The following FBXL4 variants were observed in gnomAD, a reference collection of about 807,000 sequenced individuals.
The protein encoded by FBXL4 is F-box and leucine rich repeat protein 4.
Under a neutral mutation model 58.9 loss-of-function variants are expected in FBXL4, and 40 were observed. That is an observed-to-expected ratio of 0.68 (90% CI 0.53 to 0.88). The LOEUF is 0.88. Ranked by LOEUF, FBXL4 falls within the 40% of genes least tolerant of loss-of-function variation. The pLI, the probability that FBXL4 is intolerant of heterozygous loss-of-function variation, is 0.00. For synonymous variants in FBXL4, 263 were observed against 265.5 expected, an observed-to-expected ratio of 0.99 and a Z score of 0.09; for missense variants, 676 against 734.4, an observed-to-expected ratio of 0.92 and a Z score of 0.92.
chr6:98,913,045 G>A (rs987504991), intron 5 of FBXL4, among the ~76,000 whole-genome samples: 18 of 152,090 alleles, frequency 1.2e-4, no homozygotes, highest in African/African-American at 4.3e-4. Context: ...TGATAAAACA[G>A]ACTTTAAACC....
At chr6:98,912,146 G>A (rs980228946) in intron 5 of FBXL4, among the ~76,000 whole-genome samples, 5 of 152,044 alleles carry the variant, frequency 3.3e-5, no homozygotes, top group Non-Finnish European at 5.9e-5. Flanking sequence ...AAAAGAAACG[G>A]ACAAAGCCTC....
rs532388048 is a variant in FBXL4 at position 98,873,990 on chromosome 6, A to T, written c.*288T>A. 1.9e-5 allele frequency: 4 copies of T among 215,412 alleles called. No individual in the cohort carries two copies. The South Asian group carries it at 6.5e-4, about 35-fold the overall frequency. The allele number at this position is 215,412 out of a possible 1,614,324, so 13.3% of individuals were successfully genotyped here. A position where few individuals can be genotyped will look rare whatever the true frequency, so the allele number is the denominator to read the frequency against. ...GTTCCTTTGAAAATAAGTTAGCATG[A>T]TTCCATGTTATTCTTTTATCAATCA... On this transcript the variant is annotated 3_prime_UTR_variant, in exon 10 of 10. Transcript: ENST00000369244.
chr6:98,898,645 C>T, intron 7 of FBXL4: 1 of 984,794 alleles, frequency 1.0e-6, no homozygotes. Flanking sequence ...AATGTTAGTG[C>T]TAGGTAGTTT....
intron 2 of FBXL4, among the ~76,000 whole-genome samples, chr6:98,932,148 AG>A (rs1277020655): frequency 1.3e-5 from 2 of 152,316 alleles, no homozygotes; most frequent in East Asian, 3.9e-4. Flanking sequence ...TCATTCAAAA[AG>A]CTACTTTAAG....
intron 8 of FBXL4, among the ~76,000 whole-genome samples, chr6:98,878,716 G>A (rs1473419776): frequency 6.6e-6 from 1 of 152,010 alleles, no homozygotes; most frequent in Non-Finnish European, 1.5e-5. Flanking sequence ...CAGTTTAAGG[G>A]GAGGTAAATA....
intron 7 of FBXL4, among the ~76,000 whole-genome samples, chr6:98,886,155 T>G (rs1771032374): frequency 1.3e-5 from 2 of 152,160 alleles, no homozygotes. Context: ...ATAATACATG[T>G]AGGTTGTTTT....
At chr6:98,938,921 A>G (rs1773324143) in intron 1 of FBXL4, among the ~76,000 whole-genome samples, 1 of 151,736 alleles carries the variant, frequency 6.6e-6, no homozygotes, top group South Asian at 2.1e-4. Context: ...TGCCTCTACA[A>G]AAATAAAAAA....
In FBXL4 at chr6:98,871,617, T is replaced by C. The variant is rs1027675477; in HGVS notation, c.*2661A>G. ...AAGCCTGTGAAAAGGTAAGAAGGTA[T>C]TTAAAATCTATGGTTATTTACTGTA... On this transcript the variant is annotated 3_prime_UTR_variant, in exon 10 of 10. Coordinates refer to ENST00000369244, the MANE Select transcript of FBXL4 (RefSeq NM_001278716.2). The C allele has an allele frequency of 3.9e-5, 6 of 152,336 alleles. 1 individual carries two copies. Among genetic ancestry groups the C allele is most frequent in the African/African-American group, 1.4e-4 (6 of 41,572 alleles). The allele number at this position is 152,336 out of a possible 1,614,324, so 9.4% of individuals were successfully genotyped here. A position where few individuals can be genotyped will look rare whatever the true frequency, so the allele number is the denominator to read the frequency against.
intron 7 of FBXL4, chr6:98,898,811 A>T: frequency 2.0e-6 from 2 of 985,338 alleles, no homozygotes; most frequent in Non-Finnish European, 2.4e-6. Context: ...AAGCAAGTAG[A>T]CTAATATATA....
intron 1 of FBXL4, among the ~76,000 whole-genome samples, chr6:98,938,168 T>C (rs1562252064): frequency 6.6e-6 from 1 of 152,028 alleles, no homozygotes; most frequent in Non-Finnish European, 1.5e-5. Context: ...ATTGTTTGAG[T>C]CTTGATGGCC....
At chr6:98,899,583 G>C (rs1771530727) in intron 6 of FBXL4, 102 bp from the exon 7 acceptor site, 1 of 1,296,516 alleles carries the variant, frequency 7.7e-7, no homozygotes, top group South Asian at 1.6e-5. Context: ...TGAAAGAATA[G>C]ATTTCTATTA....
chr6:98,903,178 T>A (rs1771675181), intron 6 of FBXL4, among the ~76,000 whole-genome samples: 1 of 152,108 alleles, frequency 6.6e-6, no homozygotes, highest in South Asian at 2.1e-4. Context: ...GTACTGAGCA[T>A]AAATAGACCA....
In FBXL4 at chr6:98,899,419, T is replaced by C. The variant is rs766384678; in HGVS notation, c.1166A>G (p.Asn389Ser). Residue 389 changes from asparagine to serine, a missense_variant, in exon 7 of 10, where the codon AAT (asparagine) becomes AGT (serine). Transcript: ENST00000369244. ...AGAAATAACTTCTAAGCAAGTTTCA[T>C]TAAGAAAGTGGCTGCAAGACAATTC... ...RLELSCSHFLNETCLEVISEM... is the reference protein window; with the variant it reads ...RLELSCSHFLSETCLEVISEM... 1 of 1,613,990 alleles carries C rather than the reference T, an allele frequency of 6.2e-7. No homozygotes were observed. Among genetic ancestry groups the C allele is most frequent in the Non-Finnish European group, 8.5e-7 (1 of 1,179,942 alleles).
intron 5 of FBXL4, among the ~76,000 whole-genome samples, chr6:98,911,109 G>A (rs143758306): frequency 0.021 from 3,159 of 152,280 alleles, 172 homozygotes; most frequent in East Asian, 0.19. Context: ...ACTGCAAGGT[G>A]GCAGCCTGGA....
intron 1 of FBXL4, among the ~76,000 whole-genome samples, chr6:98,947,088 A>G (rs1200589867): frequency 6.6e-6 from 1 of 152,252 alleles, no homozygotes; most frequent in Non-Finnish European, 1.5e-5. Context: ...GCATCCTGCC[A>G]ACGCAACTAC....
chr6:98,910,938 G>A (rs897558237), intron 5 of FBXL4, among the ~76,000 whole-genome samples: 2 of 152,168 alleles, frequency 1.3e-5, no homozygotes, highest in Non-Finnish European at 2.9e-5. Flanking sequence ...GGAAAGGGGT[G>A]ACAGATGGCA....
At chr6:98,928,155 C>T (rs142403134) in intron 2 of FBXL4, among the ~76,000 whole-genome samples, 35 of 152,234 alleles carry the variant, frequency 2.3e-4, no homozygotes, top group Admixed American at 4.6e-4. Flanking sequence ...GAGGCATGAG[C>T]TCTCTCAGTG....
chr6:98,926,801 G>A lies in FBXL4; in HGVS notation c.188C>T (p.Ser63Phe), dbSNP rs2128405628. The A allele has an allele frequency of 6.2e-7, 1 of 1,614,184 alleles. No individual in the cohort carries two copies. The highest frequency in any genetic ancestry group is 8.5e-7 in the Non-Finnish European group (1 of 1,180,028). The change falls in exon 4 of 10, where the codon TCC (serine) becomes TTC (phenylalanine). Residue 63 changes from serine to phenylalanine, a missense_variant. Physicochemically the swap from Ser to Phe is radical, Grantham distance 155. Transcript: ENST00000369244. ...QYAKEVVDFSSHYGSENSMSY... is the reference protein window; with the variant it reads ...QYAKEVVDFSFHYGSENSMSY... ...CATACTATTCTCACTTCCATAATGG[G>A]AACTGAAATCCACTACTTCTTTGGC...
chr6:98,887,479 T>C (rs183863098), intron 7 of FBXL4, among the ~76,000 whole-genome samples: 6 of 152,258 alleles, frequency 3.9e-5, no homozygotes, highest in Non-Finnish European at 4.4e-5. Flanking sequence ...TAGAAAACAT[T>C]TGTGAAATGG....
Sources: gnomAD v4.1 joint callset for allele counts (sites outside exome capture counted in the v4.1 genomes callset) on GRCh38, gnomAD v4.1.1 for gene constraint, MANE v1.5 for transcripts, NCBI Gene and HGNC (gene_info 2026-07-23, HGNC 2026-07-21) for gene names.